The following KIF6 variants were observed in gnomAD, a reference collection of about 807,000 sequenced individuals.
The protein encoded by KIF6 is kinesin family member 6.
In KIF6, 106 loss-of-function variants were observed where a neutral mutation model predicts 112.7. The observed-to-expected ratio is 0.94, with a 90% CI of 0.80 to 1.11. The LOEUF (loss-of-function observed/expected upper bound fraction) is 1.11, where lower values mean the gene tolerates loss of function less well. KIF6 is among the 50% of genes least tolerant of loss of function. KIF6 has a pLI of 0.00. For synonymous variants in KIF6, 339 were observed against 339.9 expected (o/e 1.00, Z 0.03); for missense variants, 929 against 964.0 (o/e 0.96, Z 0.48).
chr6:39,375,358 C>CA (rs1210659854), intron 16 of KIF6, among the ~76,000 whole-genome samples: 8 of 151,672 alleles, frequency 5.3e-5, no homozygotes, highest in East Asian at 1.9e-4. Context: ...TGTCTCACCA[C>CA]AAAAAAAATC....
chr6:39,423,085 G>C (rs2150368886), intron 14 of KIF6, among the ~76,000 whole-genome samples: 1 of 152,330 alleles, frequency 6.6e-6, no homozygotes, highest in Admixed American at 6.5e-5. Context: ...TAGTTGTGTG[G>C]CTGGCTTTGG....
intron 10 of KIF6, among the ~76,000 whole-genome samples, chr6:39,549,803 AG>A (rs1221654275): frequency 6.6e-6 from 1 of 152,238 alleles, no homozygotes; most frequent in African/African-American, 2.4e-5. Flanking sequence ...TACATAGTTA[AG>A]CAGCAATTTA....
intron 10 of KIF6, among the ~76,000 whole-genome samples, chr6:39,563,872 T>G (rs537342424): frequency 6.6e-6 from 1 of 152,364 alleles, no homozygotes; most frequent in African/African-American, 2.4e-5. Flanking sequence ...TTTTTCATTT[T>G]TACCAAAAAG....
At chr6:39,583,129 A>C in intron 9 of KIF6, 1 of 259,166 alleles carries the variant, frequency 3.9e-6, no homozygotes, top group South Asian at 4.7e-5. Context: ...CTCTAGCCAA[A>C]TGCAAAAAAC....
chr6:39,544,926 C>T (rs2150569885), intron 11 of KIF6, among the ~76,000 whole-genome samples: 1 of 152,264 alleles, frequency 6.6e-6, no homozygotes, highest in African/African-American at 2.4e-5. Flanking sequence ...CTTATCTCTC[C>T]TTCCCTAAAT....
At chr6:39,503,173 C>A (rs1158279907) in intron 13 of KIF6, among the ~76,000 whole-genome samples, 1 of 152,104 alleles carries the variant, frequency 6.6e-6, no homozygotes, top group Non-Finnish European at 1.5e-5. Context: ...AATTAGAACT[C>A]AAGATTAAGA....
At chr6:39,617,796 G>A (rs1027584708) in intron 5 of KIF6, 16 of 452,528 alleles carry the variant, frequency 3.5e-5, no homozygotes, top group African/African-American at 2.8e-4. Context: ...AAGAGCAGGT[G>A]GGCCTCATGA....
At chr6:39,439,842 C>G (rs929733620) in intron 13 of KIF6, among the ~76,000 whole-genome samples, 2 of 152,104 alleles carry the variant, frequency 1.3e-5, no homozygotes, top group Non-Finnish European at 2.9e-5. Flanking sequence ...AGAGTTTATG[C>G]TATTGCCTTT....
chr6:39,583,888 A>T (rs190860548), intron 9 of KIF6, among the ~76,000 whole-genome samples: 1 of 151,920 alleles, frequency 6.6e-6, no homozygotes, highest in Non-Finnish European at 1.5e-5. Context: ...AAACTAACAA[A>T]ATAGAGAACA....
intron 15 of KIF6, among the ~76,000 whole-genome samples, chr6:39,394,835 A>T (rs1019146506): frequency 1.4e-4 from 21 of 152,330 alleles, no homozygotes; most frequent in African/African-American, 4.3e-4. Flanking sequence ...AGAGAGGGGG[A>T]AAGCAGCTCC....
chr6:39,395,961 C>A (rs1203397450), intron 15 of KIF6, among the ~76,000 whole-genome samples: 2 of 152,128 alleles, frequency 1.3e-5, no homozygotes, highest in African/African-American at 4.8e-5. Context: ...ATAATCAACT[C>A]TTTCACTCCA....
At chr6:39,588,140 G>A (rs1781737539) in intron 7 of KIF6, among the ~76,000 whole-genome samples, 1 of 152,058 alleles carries the variant, frequency 6.6e-6, no homozygotes, top group African/African-American at 2.4e-5. Context: ...CTCAGTTCTT[G>A]ATCCTGTTTT....
At chr6:39,723,169 G>C (rs1790325494) in intron 1 of KIF6, among the ~76,000 whole-genome samples, 1 of 152,182 alleles carries the variant, frequency 6.6e-6, no homozygotes, top group Admixed American at 6.5e-5. Context: ...TTAGAGGAGA[G>C]AAAATGGGAA....
chr6:39,355,770 T>C (rs1362755889), intron 19 of KIF6, among the ~76,000 whole-genome samples: 1 of 140,496 alleles, frequency 7.1e-6, no homozygotes, highest in East Asian at 2.1e-4. Flanking sequence ...ACAATAGTTG[T>C]TTTTTAAGAA....
intron 9 of KIF6, among the ~76,000 whole-genome samples, chr6:39,583,695 T>TACGG (rs1264554417): frequency 2.2e-5 from 3 of 137,310 alleles, no homozygotes; most frequent in Admixed American, 7.2e-5. Flanking sequence ...TTTTTTTTTT[T>TACGG]TTTTTTTTTT....
intron 9 of KIF6, chr6:39,583,192 A>C (rs1670165772): frequency 3.7e-6 from 1 of 269,386 alleles, no homozygotes; most frequent in African/African-American, 2.2e-5. Context: ...TAATATGTTT[A>C]TTTTCCTTAA....
intron 13 of KIF6, among the ~76,000 whole-genome samples, chr6:39,501,176 C>T (rs1776113381): frequency 6.6e-6 from 1 of 152,128 alleles, no homozygotes; most frequent in South Asian, 2.1e-4. Context: ...CCAGTGATAC[C>T]TCCAGGTATG....
chr6:39,579,682 T>C (rs1781182966), intron 9 of KIF6, among the ~76,000 whole-genome samples: 1 of 152,132 alleles, frequency 6.6e-6, no homozygotes, highest in Non-Finnish European at 1.5e-5. Context: ...ATATGATCTT[T>C]TAAAAGTGTT....
chr6:39,347,470 T>C (rs1763895716), intron 19 of KIF6, among the ~76,000 whole-genome samples: 2 of 152,248 alleles, frequency 1.3e-5, no homozygotes, highest in Admixed American at 6.5e-5. Context: ...TCTTGGGAGG[T>C]GAAGAGGCGC....
Sources: allele counts gnomAD v4.1 joint callset (sites outside exome capture counted in the v4.1 genomes callset), GRCh38; gene constraint gnomAD v4.1.1; transcripts MANE v1.5; gene names NCBI Gene and HGNC (gene_info 2026-07-23, HGNC 2026-07-21).